The following MIS18BP1 variants were observed in gnomAD, a reference collection of about 807,000 sequenced individuals.
MIS18BP1 encodes the protein MIS18 binding protein 1.
A neutral mutation model predicts 116.1 loss-of-function variants in MIS18BP1; 72 were observed. The ratio of observed to expected loss-of-function variants is 0.62; its 90% CI spans 0.51 to 0.75. The LOEUF is 0.75. Among genes scored for constraint, MIS18BP1 ranks in the 30% least tolerant of loss-of-function variants. MIS18BP1 has a pLI of 0.00. For missense variants in MIS18BP1, 1,363 were observed against 1,303.2 expected (o/e 1.05, Z -0.71); for synonymous variants, 386 against 427.0 (o/e 0.90, Z 1.18).
chr14:45,247,909 G>A (rs1359546290), intron 1 of MIS18BP1, among the ~76,000 whole-genome samples: 1 of 151,466 alleles, frequency 6.6e-6, no homozygotes, highest in African/African-American at 2.4e-5. Flanking sequence ...ATGCTCCAGA[G>A]CATTTACATT....
rs774860627 is a variant in MIS18BP1 at position 45,224,358 on chromosome 14, T to A, written c.2229A>T (p.Lys743Asn). Residue 743 changes from lysine to asparagine, a missense_variant, in exon 11 of 17, where the codon AAA becomes AAT. Transcript: ENST00000310806. ...TCAATTTTGGTAATAGTCTGGTATT[T>A]TTCTTAAAGTCAGAGGTGAGCATTT... ...KEQMLTSDFK[K>N]NTRLLPKLKK... The A allele has an allele frequency of 1.2e-6, 2 of 1,613,578 alleles. No homozygotes were observed. The highest frequency in any genetic ancestry group is 1.7e-5 in the Admixed American group (1 of 59,878).
At chr14:45,246,697 A>T (rs1891729481) in intron 2 of MIS18BP1, 46 bp downstream of exon 2, 1 of 1,497,844 alleles carries the variant, frequency 6.7e-7, no homozygotes, top group Non-Finnish European at 8.9e-7. Context: ...CTGAAACATT[A>T]AACACTTAAG....
At position 45,231,207 on chromosome 14, in the gene MIS18BP1, G is replaced by A. The variant is rs780265754; in HGVS notation, c.1528C>T (p.Arg510Ter). Residue 510 changes from arginine (R) to a stop codon, truncating the protein, a stop_gained, in exon 8 of 17, where the codon CGA becomes TGA. Transcript: ENST00000310806. LOFTEE classifies it high-confidence loss of function. ...DIRKSMKNDA[R>*]ENQTDTAQRA... ...TGAGCAGTATCTGTTTGGTTTTCTCGTGCATCATTTTTCATTGATTTCCTT... is the reference window on the plus strand; with the variant it reads ...TGAGCAGTATCTGTTTGGTTTTCTCATGCATCATTTTTCATTGATTTCCTT... 1.9e-6 allele frequency: 3 copies of A among 1,613,798 alleles called. No homozygotes were observed. The highest frequency in any genetic ancestry group is 1.7e-5 in the Admixed American group (1 of 59,990).
At position 45,242,822 on chromosome 14, in the gene MIS18BP1, C is replaced by G. The variant is rs899526414; in HGVS notation, c.597G>C (p.Pro199=). ...LESSNNDIFL[P]VKQKIQCQQE... ...GCTGGCACTGAATCTTTTGTTTGAC[C>G]GGGAGGAAAATATCATTATTTGATG... The change falls in exon 3 of 17, where the codon CCG becomes CCC. Residue 199 remains proline, a synonymous_variant. Transcript: ENST00000310806. The G allele has an allele frequency of 1.2e-6, 2 of 1,613,072 alleles. No homozygotes were observed. Among genetic ancestry groups the G allele is most frequent in the Admixed American group, 1.7e-5 (1 of 59,876 alleles).
chr14:45,204,500 G>A (rs938931668), intron 15 of MIS18BP1, 47 bp from the exon 16 acceptor site: 6 of 1,420,686 alleles, frequency 4.2e-6, no homozygotes, highest in Non-Finnish European at 5.8e-6. Context: ...TCCTGGTGAA[G>A]TCTACCTCAA....
chr14:45,222,508 G>T (rs1048589746), intron 11 of MIS18BP1, among the ~76,000 whole-genome samples: 1 of 152,110 alleles, frequency 6.6e-6, no homozygotes, highest in African/African-American at 2.4e-5. Context: ...CAACCTGGTG[G>T]TATCCCAAGC....
At position 45,224,544 on chromosome 14, in the gene MIS18BP1, A is replaced by G; in HGVS notation, c.2043T>C (p.Phe681=). 1 of 1,612,534 alleles carries G rather than the reference A, an allele frequency of 6.2e-7. No individual in the cohort carries two copies. ...SAGTIKAVTD[F]VIPECQKKSP... ...TTTTTTTTTGACACTCTGGTATTAC[A>G]AAATCTGTTACTGCTTTGATGGTGC... The change falls in exon 11 of 17, where the codon TTT becomes TTC. Residue 681 remains phenylalanine (F), a synonymous_variant. Transcript: ENST00000310806.
intron 1 of MIS18BP1, among the ~76,000 whole-genome samples, chr14:45,252,099 C>T (rs745778490): frequency 2.0e-5 from 3 of 152,116 alleles, no homozygotes; most frequent in Non-Finnish European, 4.4e-5. Context: ...AAGTAAGCTG[C>T]CCAAGGTCAC....
chr14:45,214,351 T>C (rs7147246), intron 13 of MIS18BP1, among the ~76,000 whole-genome samples: 27,108 of 152,196 alleles, frequency 0.18, 3,173 homozygotes, highest in African/African-American at 0.33. Flanking sequence ...ATGCACTATA[T>C]GTGCACATCA....
chr14:45,236,827 G>A (rs1429490692), intron 5 of MIS18BP1, among the ~76,000 whole-genome samples: 1 of 151,852 alleles, frequency 6.6e-6, no homozygotes, highest in African/African-American at 2.4e-5. Flanking sequence ...AGACTGACAG[G>A]GGATAAATAA....
chr14:45,248,717 G>A (rs1297686032), intron 1 of MIS18BP1, among the ~76,000 whole-genome samples: 1 of 152,082 alleles, frequency 6.6e-6, no homozygotes, highest in Non-Finnish European at 1.5e-5. Flanking sequence ...GAGAAAAAAA[G>A]AAGGAAAATA....
rs76841295 is a variant in MIS18BP1, at chr14:45,249,578, T to C, written c.-91-2201A>G. 6.1e-3 allele frequency among the ~76,000 whole-genome samples: 936 copies of C among 152,214 alleles called. 10 individuals are homozygous for C. The highest frequency in any genetic ancestry group is 0.021 in the African/African-American group (890 of 41,536). On this transcript the variant is annotated intron_variant, in intron 1 of 16. Transcript: ENST00000310806. The stretch of plus-strand genomic sequence containing the variant: ...CTATACAATCTCTCAAAATCAAAAA[T>C]GAATAAACTCGGCTGAGCACAGTGG...
chr14:45,232,416 CAAAAAAAAAAA>C (rs532665472), intron 7 of MIS18BP1: 4 of 96,078 alleles, frequency 4.2e-5, no homozygotes, highest in South Asian at 1.1e-4. Flanking sequence ...GATTCCATCT[CAAAAAAAAAAA>C]AAAAAAAAAA....
At position 45,224,644 on chromosome 14, in the gene MIS18BP1, G is replaced by A; in HGVS notation, c.1943C>T (p.Ala648Val). ...RKYMAINQKK[A>V]YILVTPLKSR... Reference sequence around the variant, plus strand: ...TTTAAGTGGTGTTACTAAAATATAAGCTTTCTTCTGATTGATGGCCATGTA... The same window carrying A: ...TTTAAGTGGTGTTACTAAAATATAAACTTTCTTCTGATTGATGGCCATGTA... Residue 648 changes from alanine (A) to valine (V), a missense_variant, in exon 11 of 17, where the codon GCT (alanine) becomes GTT (valine). Transcript: ENST00000310806. 2 of 1,613,046 alleles carry A rather than the reference G, an allele frequency of 1.2e-6. No homozygotes were observed. The highest frequency in any genetic ancestry group is 1.7e-6 in the Non-Finnish European group (2 of 1,179,698).
intron 4 of MIS18BP1, among the ~76,000 whole-genome samples, chr14:45,240,374 C>A (rs74046558): frequency 0.014 from 2,182 of 152,160 alleles, 58 homozygotes; most frequent in African/African-American, 0.049. Context: ...TGGGGCCAGG[C>A]GTGGTGGCTC....
At position 45,203,478 on chromosome 14, in the gene MIS18BP1, C is replaced by T. The variant is rs1890421340; in HGVS notation, c.*631G>A. On this transcript the variant is annotated 3_prime_UTR_variant, in exon 17 of 17. Transcript: ENST00000310806. ...AAAATTAGAGAACAAAATCTGTTCTCTAATTTTACCTAGTAAAATAATGGT... is the reference window on the plus strand; with the variant it reads ...AAAATTAGAGAACAAAATCTGTTCTTTAATTTTACCTAGTAAAATAATGGT... 1 of 151,928 alleles carries T rather than the reference C, an allele frequency of 6.6e-6. No individual in the cohort carries two copies. Among genetic ancestry groups the T allele is most frequent in the South Asian group, 2.1e-4 (1 of 4,814 alleles). 9.4% of individuals were successfully genotyped at this position (151,928 alleles called of 1,614,324 possible). A position where few individuals can be genotyped will look rare whatever the true frequency, so the allele number is the denominator to read the frequency against.
At chr14:45,231,032 G>A (rs1327324068) in intron 8 of MIS18BP1, 109 bp downstream of exon 8, 6 of 1,106,250 alleles carry the variant, frequency 5.4e-6, no homozygotes, top group Non-Finnish European at 7.4e-6. Context: ...ATAAGTCAAA[G>A]AATACTATAC....
At chr14:45,232,485 C>T (rs967638920) in intron 7 of MIS18BP1, 26 of 351,568 alleles carry the variant, frequency 7.4e-5, no homozygotes, top group Non-Finnish European at 7.8e-5. Context: ...AAAACAGGTG[C>T]ACTTAATTAA....
intron 8 of MIS18BP1, among the ~76,000 whole-genome samples, chr14:45,230,245 G>A (rs962740799): frequency 1.3e-5 from 2 of 152,142 alleles, no homozygotes; most frequent in African/African-American, 4.8e-5. Flanking sequence ...GTAAGTTAAT[G>A]TTCATACATT....
Sources: gnomAD v4.1 joint callset for allele counts (sites outside exome capture counted in the v4.1 genomes callset) on GRCh38, gnomAD v4.1.1 for gene constraint, MANE v1.5 for transcripts, NCBI Gene and HGNC (gene_info 2026-07-23, HGNC 2026-07-21) for gene names.